AK9: variants seen among roughly 807,000 people sequenced by gnomAD.
AK9 encodes adenylate kinase 9.
In AK9, 191 loss-of-function variants were observed where a neutral mutation model predicts 239.6. The ratio of observed to expected loss-of-function variants is 0.80; its 90% CI spans 0.71 to 0.90. The LOEUF (loss-of-function observed/expected upper bound fraction) is 0.90, where lower values mean the gene tolerates loss of function less well. Ranked by LOEUF, AK9 falls within the 40% of genes least tolerant of loss-of-function variation. The probability of loss-of-function intolerance (pLI) is 0.00; values close to 1 mark genes in which losing one functional copy is unlikely to be tolerated. For missense variants in AK9, 1,995 were observed against 2,214.7 expected (o/e 0.90, Z 1.99); for synonymous variants, 689 against 721.0 (o/e 0.96, Z 0.71).
intron 27 of AK9, among the ~76,000 whole-genome samples, chr6:109,536,453 T>C (rs1431990705): frequency 4.6e-5 from 7 of 152,238 alleles, no homozygotes; most frequent in Admixed American, 3.9e-4. Flanking sequence ...ACATTGACTT[T>C]GTATCCTGAG....
chr6:109,511,603 C>T (rs1351537610), intron 32 of AK9, among the ~76,000 whole-genome samples: 1 of 152,212 alleles, frequency 6.6e-6, no homozygotes, highest in Non-Finnish European at 1.5e-5. Context: ...TGTGTATATT[C>T]CTTGCCTGAG....
chr6:109,626,749 C>T (rs1229582113), intron 12 of AK9, among the ~76,000 whole-genome samples: 1 of 152,092 alleles, frequency 6.6e-6, no homozygotes, highest in African/African-American at 2.4e-5. Context: ...AGGTTCTGTG[C>T]AAATATGGCA....
intron 21 of AK9, among the ~76,000 whole-genome samples, chr6:109,568,747 G>T (rs965922030): frequency 5.3e-5 from 8 of 152,134 alleles, no homozygotes; most frequent in African/African-American, 2.4e-5. Context: ...TCTTCAAGGA[G>T]AACTACAAAC....
rs565338308 is a variant in AK9 at position 109,627,019 on chromosome 6, A to G, written c.1254+5904T>C. On this transcript the variant is annotated intron_variant, in intron 12 of 40. Transcript: ENST00000424296. ...CTTTATAAACTTCTAAAATTTCTAAACTTTTTGACTCTTTTATAACAATTC... is the reference window on the plus strand; with the variant it reads ...CTTTATAAACTTCTAAAATTTCTAAGCTTTTTGACTCTTTTATAACAATTC... 4.6e-5 allele frequency among the ~76,000 whole-genome samples: 7 copies of G among 152,020 alleles called. No homozygotes were observed. In the South Asian group the frequency reaches 1.5e-3, roughly 32 times the overall value.
rs535171737 is a variant in AK9 at position 109,632,860 on chromosome 6, G to T, written c.1254+63C>A. On this transcript the variant is annotated intron_variant, in intron 12 of 40. Coordinates refer to ENST00000424296, the MANE Select transcript of AK9 (RefSeq NM_001145128.3). ...ATCGAGTATAGATACATGACAGATA[G>T]ACATAGATAGATAGATAGATAGATA... 1.0e-3 allele frequency: 870 copies of T among 846,772 alleles called. 6 individuals are homozygous for T. In the African/African-American group the frequency reaches 0.018, roughly 17 times the overall value. The allele number at this position is 846,772 out of a possible 1,614,324, so 52.5% of individuals were successfully genotyped here. A position where few individuals can be genotyped will look rare whatever the true frequency, so the allele number is the denominator to read the frequency against.
intron 35 of AK9, among the ~76,000 whole-genome samples, chr6:109,500,640 T>C (rs1034651703): frequency 6.6e-6 from 1 of 152,234 alleles, no homozygotes; most frequent in East Asian, 1.9e-4. Context: ...ATCTGCAATG[T>C]ACTATTACAG....
intron 35 of AK9, among the ~76,000 whole-genome samples, chr6:109,504,250 G>A: frequency 6.6e-6 from 1 of 152,026 alleles, no homozygotes; most frequent in East Asian, 1.9e-4. Context: ...TGTAGTCTTA[G>A]CTACTGGAGA....
In AK9 at chr6:109,506,331, T is replaced by C. The variant is rs1232437136; in HGVS notation, c.4845A>G (p.Lys1615=). Residue 1615 remains lysine (K), a synonymous_variant, in exon 35 of 41, where the codon AAA becomes AAG. Transcript: ENST00000424296. ...KYMQTYLERI[K]AGKAACIDKL... ...CCTTAAAAAGTGCTATCTTACCTGCTTTTATTCTTTCCAGGTATGTCTGCA... is the reference window on the plus strand; with the variant it reads ...CCTTAAAAAGTGCTATCTTACCTGCCTTTATTCTTTCCAGGTATGTCTGCA... 6.2e-7 allele frequency: 1 copy of C among 1,612,956 alleles called. No homozygotes were observed. Among genetic ancestry groups the C allele is most frequent in the Non-Finnish European group, 8.5e-7 (1 of 1,179,580 alleles).
rs1005904755 is a variant in AK9 at position 109,633,068 on chromosome 6, T to G, written c.1109A>C (p.Glu370Ala). The change falls in exon 12 of 41, where the codon GAA (glutamate) becomes GCA (alanine). Residue 370 changes from glutamate (E) to alanine (A), a missense_variant. Around this residue, in one of 5 missense-constraint regions of AK9, gnomAD observed 1,290 missense variants for 1,392.7 expected, o/e 0.93. Coordinates refer to ENST00000424296, the MANE Select transcript of AK9 (RefSeq NM_001145128.3). ...GTTCAACAAAAATGGTTTTAATGCT[T>G]CTTCTGATGAAAGACAGTAGATTTT... ...LGKIYCLSSE[E>A]ALKPFLLNPR... 3.2e-6 allele frequency: 5 copies of G among 1,555,146 alleles called. No homozygotes were observed. The highest frequency in any genetic ancestry group is 1.4e-5 in the African/African-American group (1 of 72,414).
intron 5 of AK9, among the ~76,000 whole-genome samples, chr6:109,667,214 C>T (rs552020876): frequency 3.9e-5 from 6 of 152,024 alleles, no homozygotes; most frequent in South Asian, 2.1e-4. Flanking sequence ...AATACTCTGC[C>T]GTGTGATGTC....
chr6:109,582,439 C>A (rs750525185), intron 19 of AK9, among the ~76,000 whole-genome samples: 29 of 152,112 alleles, frequency 1.9e-4, no homozygotes, highest in Non-Finnish European at 3.5e-4. Flanking sequence ...TGATTCCAAC[C>A]CTCATGGATT....
At chr6:109,518,375 G>A (rs1375850943) in intron 29 of AK9, among the ~76,000 whole-genome samples, 2 of 151,930 alleles carry the variant, frequency 1.3e-5, no homozygotes, top group African/African-American at 4.8e-5. Flanking sequence ...AATTTTCTAA[G>A]GATCTTTGCA....
intron 36 of AK9, 38 bp from the exon 37 acceptor site, chr6:109,498,003 C>A: frequency 6.2e-7 from 1 of 1,606,584 alleles, no homozygotes; most frequent in Non-Finnish European, 8.5e-7. Flanking sequence ...ATGATTTAAA[C>A]CAGAAATGCT....
intron 21 of AK9, among the ~76,000 whole-genome samples, chr6:109,568,147 C>G (rs1252689741): frequency 6.6e-6 from 1 of 152,144 alleles, no homozygotes; most frequent in Non-Finnish European, 1.5e-5. Context: ...TAAACGTAAT[C>G]CAGCATATAA....
rs767062393 is a variant in AK9 at position 109,614,370 on chromosome 6, A to G, written c.1495+15T>C. On this transcript the variant is annotated intron_variant, in intron 14 of 40. Coordinates refer to ENST00000424296, the MANE Select transcript of AK9 (RefSeq NM_001145128.3). ...GGATGATTTGGTCAATAACATCAGC[A>G]ATATATTTCTTTACCTTCTTCATCA... 1.3e-6 allele frequency: 2 copies of G among 1,549,732 alleles called. No homozygotes were observed. The highest frequency in any genetic ancestry group is 1.2e-5 in the South Asian group (1 of 84,020).
intron 25 of AK9, among the ~76,000 whole-genome samples, chr6:109,549,086 G>T (rs115339189): frequency 0.021 from 3,166 of 152,234 alleles, 100 homozygotes; most frequent in African/African-American, 0.073. Flanking sequence ...AATGTCCAGG[G>T]AAGATTCACC....
intron 8 of AK9, among the ~76,000 whole-genome samples, chr6:109,652,101 A>C (rs565448363): frequency 6.6e-6 from 1 of 152,186 alleles, no homozygotes; most frequent in Non-Finnish European, 1.5e-5. Flanking sequence ...GAAACAACAA[A>C]AAAAGAGAAT....
At chr6:109,581,203 GC>G (rs1788818593) in intron 19 of AK9, among the ~76,000 whole-genome samples, 1 of 151,910 alleles carries the variant, frequency 6.6e-6, no homozygotes, top group Non-Finnish European at 1.5e-5. Flanking sequence ...TTGAAATGAG[GC>G]CAATTAATAA....
At chr6:109,620,858 T>C (rs1175569114) in intron 12 of AK9, among the ~76,000 whole-genome samples, 2 of 151,344 alleles carry the variant, frequency 1.3e-5, no homozygotes, top group African/African-American at 4.8e-5. Context: ...TTCATATATA[T>C]ACATATACAA....
Sources: gnomAD v4.1 joint callset for allele counts (sites outside exome capture counted in the v4.1 genomes callset) on GRCh38, gnomAD v4.1.1 for gene constraint, gnomAD v4.1.1 regional missense constraint, MANE v1.5 for transcripts, NCBI Gene and HGNC (gene_info 2026-07-23, HGNC 2026-07-21) for gene names.